Variants in ZNF611 observed in about 807,000 individuals in gnomAD.
ZNF611 encodes zinc finger protein 611.
A neutral mutation model predicts 8.9 loss-of-function variants in ZNF611; 6 were observed. The ratio of observed to expected loss-of-function variants is 0.68; its 90% confidence interval spans 0.37 to 1.34. The LOEUF (loss-of-function observed/expected upper bound fraction) is 1.34, where lower values mean the gene tolerates loss of function less well. Among genes scored for constraint, ZNF611 ranks in the 40% most tolerant of loss-of-function variants. The probability of loss-of-function intolerance (pLI) is 0.02; values close to 1 mark genes in which losing one functional copy is unlikely to be tolerated. For missense variants in ZNF611, 874 were observed against 841.3 expected (o/e 1.04, Z -0.48); for synonymous variants, 262 against 279.7 (o/e 0.94, Z 0.63).
At chr19:52,720,338 C>T (rs2062346932) in intron 3 of ZNF611, among the ~76,000 whole-genome samples, 1 of 152,260 alleles carries the variant, frequency 6.6e-6, no homozygotes, top group Admixed American at 6.5e-5. Flanking sequence ...AGCGGCCAGG[C>T]AGAGGCGCCC....
At chr19:52,726,406 C>T (rs115002440) in intron 3 of ZNF611, among the ~76,000 whole-genome samples, 2,634 of 152,210 alleles carry the variant, frequency 0.017, 72 homozygotes, top group African/African-American at 0.06. Context: ...CGCTCTTTTT[C>T]TTTTCTTTCC....
At chr19:52,716,917 C>G (rs1212745559) in intron 3 of ZNF611, among the ~76,000 whole-genome samples, 1 of 151,954 alleles carries the variant, frequency 6.6e-6, no homozygotes, top group Non-Finnish European at 1.5e-5. Context: ...CTGATCCGGG[C>G]ATCTACTTGG....
At chr19:52,723,253 C>CTTTTTT in intron 3 of ZNF611, among the ~76,000 whole-genome samples, 1 of 103,188 alleles carries the variant, frequency 9.7e-6, no homozygotes, top group Non-Finnish European at 1.9e-5. Context: ...CTTATTTAAC[C>CTTTTTT]TTTTTTTTTT....
chr19:52,716,974 A>G (rs920623350), intron 3 of ZNF611, among the ~76,000 whole-genome samples: 8 of 152,006 alleles, frequency 5.3e-5, no homozygotes, highest in Non-Finnish European at 1.2e-4. Flanking sequence ...CAGAGGTTGC[A>G]GTGAGCCGAG....
At position 52,703,118 on chromosome 19, in the gene ZNF611, T is replaced by C. The variant is rs1371394467; in HGVS notation, c.*1819A>G. 6.6e-6 allele frequency: 1 copy of C among 152,202 alleles called. No homozygotes were observed. Among genetic ancestry groups the C allele is most frequent in the African/African-American group, 2.4e-5 (1 of 41,456 alleles). 9.4% of individuals were successfully genotyped at this position (152,202 alleles called of 1,614,324 possible). On this transcript the variant is annotated 3_prime_UTR_variant, in exon 6 of 6. Coordinates refer to ENST00000652185, the MANE Select transcript of ZNF611 (RefSeq NM_001161499.2). ...CAAAGGCATCTTTCAGAAGTCATTA[T>C]GTATTAAGAAATACAACTTTTATAA... is the stretch of plus-strand genomic sequence containing the variant.
In ZNF611 at chr19:52,729,601, G is replaced by C. The variant is rs1971063; in HGVS notation, c.-122+305C>G. On this transcript the variant is annotated intron_variant, in intron 2 of 5. Coordinates refer to ENST00000652185, the MANE Select transcript of ZNF611 (RefSeq NM_001161499.2). ...AAATTACCTATAACCACACAGAACAGGCACTTATTGAAATTAACAAGTGCA... is the reference window on the plus strand; with the variant it reads ...AAATTACCTATAACCACACAGAACACGCACTTATTGAAATTAACAAGTGCA... Among the ~76,000 whole-genome samples the C allele has an allele frequency of 0.33, 49,251 of 150,892 alleles. 8,113 individuals are homozygous for C. Among genetic ancestry groups the C allele is most frequent in the East Asian group, 0.42 (2,145 of 5,130 alleles).
intron 1 of ZNF611, among the ~76,000 whole-genome samples, chr19:52,733,259 A>T (rs2062436555): frequency 1.3e-5 from 2 of 152,184 alleles, no homozygotes; most frequent in African/African-American, 2.4e-5. Context: ...ACAACCAATC[A>T]TATCCAATGA....
Position 52,706,622 on chromosome 19 carries a change from T to G in ZNF611, c.433A>C (p.Arg145=). The G allele has an allele frequency of 6.2e-7, 1 of 1,614,150 alleles. No individual in the cohort carries two copies. Among genetic ancestry groups the G allele is most frequent in the Non-Finnish European group, 8.5e-7 (1 of 1,179,980 alleles). The change falls in exon 6 of 6, where the codon AGG becomes CGG. Residue 145 remains arginine (R), a synonymous_variant. Transcript: ENST00000652185. ...LTGSTDQHDH[R]HAGNKPIKDQ... ...TTAATAGGCTTGTTTCCAGCATGCC[T>G]GTGATCATGTTGGTCTGTGCTACCA...
In ZNF611 at chr19:52,729,492, C is replaced by CAAAAAAAAAAAAA. The variant is rs397859789; in HGVS notation, c.-122+401_-122+413dup. On this transcript the variant is annotated intron_variant, in intron 2 of 5. Transcript: ENST00000652185. ...TGGGTGACAGAGCGAGACTCCATCT[C>CAAAAAAAAAAAAA]AAAAAAAAAAAAAAAAAAAAAAAAA... 7.6e-3 allele frequency among the ~76,000 whole-genome samples: 322 copies of CAAAAAAAAAAAAA among 42,348 alleles called. 6 individuals are homozygous for CAAAAAAAAAAAAA. Among genetic ancestry groups the CAAAAAAAAAAAAA allele is most frequent in the East Asian group, 0.013 (7 of 548 alleles). 27.8% of individuals were successfully genotyped at this position (42,348 alleles called of 152,430 possible).
intron 3 of ZNF611, among the ~76,000 whole-genome samples, chr19:52,725,682 T>C (rs918471194): frequency 1.3e-5 from 2 of 152,138 alleles, no homozygotes; most frequent in Non-Finnish European, 2.9e-5. Context: ...GCCAGGGACC[T>C]GGGAAGTGCA....
intron 1 of ZNF611, among the ~76,000 whole-genome samples, chr19:52,732,150 C>G (rs145759266): frequency 1.7e-3 from 263 of 151,318 alleles, no homozygotes; most frequent in Middle Eastern, 0.01. Flanking sequence ...GGAGCCTGTA[C>G]TCCCAGCTAC....
intron 3 of ZNF611, among the ~76,000 whole-genome samples, chr19:52,727,272 A>G (rs908618093): frequency 1.3e-5 from 2 of 152,238 alleles, no homozygotes; most frequent in Non-Finnish European, 1.5e-5. Context: ...ATAGAGAAAG[A>G]AAGAATAACT....
At chr19:52,733,851 C>T (rs1396692422) in intron 1 of ZNF611, among the ~76,000 whole-genome samples, 1 of 151,850 alleles carries the variant, frequency 6.6e-6, no homozygotes, top group Non-Finnish European at 1.5e-5. Context: ...TTCAATCGTC[C>T]TCAATCTCCA....
intron 2 of ZNF611, 110 bp from the exon 3 acceptor site, chr19:52,728,941 T>C (rs2062408338): frequency 6.5e-6 from 1 of 153,678 alleles, no homozygotes; most frequent in African/African-American, 2.4e-5. Context: ...TTCCCAAACA[T>C]AATCTTCAAA....
intron 5 of ZNF611, among the ~76,000 whole-genome samples, chr19:52,709,059 C>T (rs921271270): frequency 1.3e-5 from 2 of 151,948 alleles, no homozygotes; most frequent in East Asian, 3.9e-4. Flanking sequence ...AAACAAATTG[C>T]ACAATAAGAA....
chr19:52,720,596 T>A (rs1290240706), intron 3 of ZNF611, among the ~76,000 whole-genome samples: 1 of 32,816 alleles, frequency 3.0e-5, no homozygotes, highest in African/African-American at 1.6e-4. Context: ...ACGGGGCAGC[T>A]GCTGGGCAGA....
chr19:52,705,246 G>A lies in ZNF611; in HGVS notation c.1809C>T (p.Phe603=), dbSNP rs1389565122. 1 of 1,614,082 alleles carries A rather than the reference G, an allele frequency of 6.2e-7. No individual in the cohort carries two copies. Among genetic ancestry groups the A allele is most frequent in the East Asian group, 2.2e-5 (1 of 44,854 alleles). The part of the protein sequence containing the change: ...PYKCNECSKT[F]SRRSSLHCHR... ...GGCAATGAAGGGATGACCTGCGACT[G>A]AAGGTCTTGCTGCACTCATTACACT... The change falls in exon 6 of 6, where the codon TTC becomes TTT. Residue 603 remains phenylalanine, a synonymous_variant. Transcript: ENST00000652185.
At chr19:52,722,756 G>A (rs982241780) in intron 3 of ZNF611, among the ~76,000 whole-genome samples, 1 of 152,040 alleles carries the variant, frequency 6.6e-6, no homozygotes, top group Admixed American at 6.6e-5. Flanking sequence ...TTTAAAACAG[G>A]GTCTTGCTCT....
chr19:52,715,029 A>C (rs1227726756), intron 4 of ZNF611, among the ~76,000 whole-genome samples: 2 of 152,150 alleles, frequency 1.3e-5, no homozygotes, highest in African/African-American at 2.4e-5. Flanking sequence ...ACAAAACAAA[A>C]AAACAAATAC....
Sources: gnomAD v4.1 joint callset for allele counts (sites outside exome capture counted in the v4.1 genomes callset) on GRCh38, gnomAD v4.1.1 for gene constraint, MANE v1.5 for transcripts, NCBI Gene and HGNC (gene_info 2026-07-23, HGNC 2026-07-21) for gene names.